The following RETREG1 variants were observed in gnomAD, a reference collection of about 807,000 sequenced individuals.
The protein encoded by RETREG1 is family with sequence similarity 134 member B.
A neutral mutation model predicts 54.8 loss-of-function variants in RETREG1; 44 were observed. The observed-to-expected ratio is 0.80, with a 90% CI of 0.63 to 1.03. The LOEUF is 1.03. RETREG1 is among the 50% of genes least tolerant of loss of function. The pLI is 0.00. For missense variants in RETREG1, 554 were observed against 605.1 expected (o/e 0.92, Z 0.89); for synonymous variants, 217 against 238.5 (o/e 0.91, Z 0.83).
chr5:16,486,184 T>C (rs1324454287), intron 3 of RETREG1, among the ~76,000 whole-genome samples: 2 of 152,058 alleles, frequency 1.3e-5, no homozygotes, highest in African/African-American at 4.8e-5. Flanking sequence ...TCTAACCAAA[T>C]GGGTTTGTAA....
chr5:16,509,008 T>C, intron 3 of RETREG1: 1 of 1,001,142 alleles, frequency 1.0e-6, no homozygotes, highest in Non-Finnish European at 1.2e-6. Context: ...TGACTTCACC[T>C]AGGCCCGCCT....
chr5:16,514,811 C>T (rs925509816), intron 3 of RETREG1, among the ~76,000 whole-genome samples: 3 of 151,548 alleles, frequency 2.0e-5, no homozygotes, highest in African/African-American at 4.8e-5. Context: ...AGTTACTTCA[C>T]GTAGAATAAC....
intron 3 of RETREG1, among the ~76,000 whole-genome samples, chr5:16,486,883 T>C (rs919465306): frequency 6.6e-6 from 1 of 152,100 alleles, no homozygotes; most frequent in African/African-American, 2.4e-5. Context: ...CGCTTAGTGG[T>C]TGGTTGATGT....
chr5:16,611,030 G>A (rs573418039), intron 1 of RETREG1, among the ~76,000 whole-genome samples: 6 of 152,312 alleles, frequency 3.9e-5, no homozygotes, highest in African/African-American at 1.4e-4. Flanking sequence ...TGATAGACTG[G>A]ATTAAGAAAA....
chr5:16,482,782 C>T (rs1475590898), intron 4 of RETREG1, among the ~76,000 whole-genome samples: 3 of 152,092 alleles, frequency 2.0e-5, no homozygotes, highest in Non-Finnish European at 4.4e-5. Flanking sequence ...GTGCAGCACT[C>T]CATGTAATCC....
intron 1 of RETREG1, among the ~76,000 whole-genome samples, chr5:16,586,861 C>G (rs1351438071): frequency 6.6e-6 from 1 of 152,202 alleles, no homozygotes; most frequent in African/African-American, 2.4e-5. Flanking sequence ...ACACTAAGGC[C>G]TTAGCAGATT....
At chr5:16,539,952 T>G (rs1741192628) in intron 3 of RETREG1, among the ~76,000 whole-genome samples, 2 of 152,230 alleles carry the variant, frequency 1.3e-5, no homozygotes, top group East Asian at 3.8e-4. Flanking sequence ...AGTGAACAGA[T>G]AAGAATTCCT....
At chr5:16,527,147 C>A (rs998384249) in intron 3 of RETREG1, among the ~76,000 whole-genome samples, 4 of 152,168 alleles carry the variant, frequency 2.6e-5, no homozygotes, top group Non-Finnish European at 5.9e-5. Flanking sequence ...TTAAATTTGT[C>A]GACCTCAGAA....
chr5:16,508,956 C>T, intron 3 of RETREG1: 1 of 1,105,048 alleles, frequency 9.0e-7, no homozygotes, highest in Non-Finnish European at 1.1e-6. Flanking sequence ...CTCTCCAGTC[C>T]TGTGAGAAGG....
chr5:16,572,249 G>A (rs1742196430), intron 1 of RETREG1, 147 bp from the exon 2 acceptor site: 3 of 630,294 alleles, frequency 4.8e-6, no homozygotes, highest in Non-Finnish European at 8.5e-6. Context: ...GTCTCGCTCT[G>A]TTGCCCAGGC....
intron 1 of RETREG1, among the ~76,000 whole-genome samples, chr5:16,587,535 T>C (rs934235773): frequency 2.0e-5 from 3 of 152,170 alleles, no homozygotes; most frequent in Admixed American, 6.5e-5. Flanking sequence ...AAAGTAATTG[T>C]CATGTGGACG....
chr5:16,588,347 C>T (rs529677329), intron 1 of RETREG1, among the ~76,000 whole-genome samples: 1 of 152,272 alleles, frequency 6.6e-6, no homozygotes, highest in Admixed American at 6.5e-5. Context: ...GGACACCAGT[C>T]ATATTGAATC....
chr5:16,571,495 T>G (rs891516364), intron 2 of RETREG1, among the ~76,000 whole-genome samples: 1 of 131,166 alleles, frequency 7.6e-6, no homozygotes, highest in African/African-American at 2.6e-5. Flanking sequence ...AAAAAGCACC[T>G]CAGGCCAATT....
intron 1 of RETREG1, among the ~76,000 whole-genome samples, chr5:16,583,154 T>G (rs1359577671): frequency 1.3e-5 from 2 of 152,132 alleles, no homozygotes; most frequent in African/African-American, 4.8e-5. Context: ...TCGAGTGACC[T>G]TCTGTTGACC....
At chr5:16,555,480 T>C (rs140253791) in intron 3 of RETREG1, among the ~76,000 whole-genome samples, 1 of 152,308 alleles carries the variant, frequency 6.6e-6, no homozygotes. Context: ...CTTTCACAAA[T>C]GCTGAGAAGA....
chr5:16,596,212 C>G (rs1742891023), intron 1 of RETREG1, among the ~76,000 whole-genome samples: 1 of 152,172 alleles, frequency 6.6e-6, no homozygotes, highest in Non-Finnish European at 1.5e-5. Flanking sequence ...ATATGGTTTA[C>G]TAGGTCAGAG....
intron 4 of RETREG1, among the ~76,000 whole-genome samples, chr5:16,482,356 G>T (rs1171563374): frequency 1.3e-5 from 2 of 151,770 alleles, no homozygotes; most frequent in East Asian, 3.9e-4. Flanking sequence ...CAATGCAGAA[G>T]TTTGAAGTTT....
intron 3 of RETREG1, among the ~76,000 whole-genome samples, chr5:16,507,930 A>G (rs1192336133): frequency 6.6e-6 from 1 of 152,226 alleles, no homozygotes; most frequent in African/African-American, 2.4e-5. Flanking sequence ...GTTCACAGCA[A>G]TGGGGCTAAA....
At chr5:16,499,125 C>T (rs539460731) in intron 3 of RETREG1, among the ~76,000 whole-genome samples, 38 of 151,208 alleles carry the variant, frequency 2.5e-4, no homozygotes, top group Non-Finnish European at 5.0e-4. Context: ...CACAAACACA[C>T]ACATTAGCCT....
Sources: gnomAD v4.1 joint callset for allele counts (sites outside exome capture counted in the v4.1 genomes callset) on GRCh38, gnomAD v4.1.1 for gene constraint, MANE v1.5 for transcripts, NCBI Gene and HGNC (gene_info 2026-07-23, HGNC 2026-07-21) for gene names.